L3MBTL3: variants seen among roughly 807,000 people sequenced by gnomAD.
L3MBTL3 encodes lethal(3)malignant brain tumor-like protein 3.
A neutral mutation model predicts 102.3 loss-of-function variants in L3MBTL3; 27 were observed. The ratio of observed to expected loss-of-function variants is 0.26; its 90% CI spans 0.19 to 0.36. The LOEUF (loss-of-function observed/expected upper bound fraction) is 0.36. Ranked by LOEUF, L3MBTL3 falls within the 10% of genes least tolerant of loss-of-function variation. The probability of loss-of-function intolerance (pLI) is 1.00; values close to 1 mark genes in which losing one functional copy is unlikely to be tolerated. For missense variants in L3MBTL3, 798 were observed against 955.3 expected (o/e 0.84, Z 2.17); for synonymous variants, 340 against 320.9 (o/e 1.06, Z -0.64).
At chr6:130,051,999 G>A (rs926037717) in intron 6 of L3MBTL3, among the ~76,000 whole-genome samples, 1 of 152,140 alleles carries the variant, frequency 6.6e-6, no homozygotes, top group African/African-American at 2.4e-5. Context: ...CACCAAGAAG[G>A]TGTTTTTCTT....
chr6:130,092,961 A>T, intron 17 of L3MBTL3, 102 bp downstream of exon 17: 1 of 680,172 alleles, frequency 1.5e-6, no homozygotes, highest in Non-Finnish European at 2.6e-6. Context: ...CTCTCTACTG[A>T]TGTTTCTTCT....
At chr6:130,020,951 T>G (rs1014455623) in intron 1 of L3MBTL3, among the ~76,000 whole-genome samples, 2 of 151,080 alleles carry the variant, frequency 1.3e-5, no homozygotes, top group Non-Finnish European at 2.9e-5. Context: ...AATTGTTAGG[T>G]TAGGGGAAAC....
chr6:130,093,402 T>C (rs1047759132), intron 17 of L3MBTL3, among the ~76,000 whole-genome samples: 1 of 152,152 alleles, frequency 6.6e-6, no homozygotes, highest in Admixed American at 6.6e-5. Context: ...ACAAAACAAA[T>C]GTAGGAAATA....
intron 14 of L3MBTL3, among the ~76,000 whole-genome samples, chr6:130,082,855 G>C (rs1163072094): frequency 6.6e-6 from 1 of 152,160 alleles, no homozygotes; most frequent in East Asian, 1.9e-4. Flanking sequence ...TGAAAACTGT[G>C]AATTTATGCC....
In L3MBTL3 at chr6:130,063,836, T is replaced by A. The variant is rs548820199; in HGVS notation, c.865-2517T>A. Among the ~76,000 whole-genome samples, 14 of 152,270 alleles carry A rather than the reference T, an allele frequency of 9.2e-5. 1 individual carries two copies. Among genetic ancestry groups the A allele is most frequent in the Admixed American group, 9.2e-4 (14 of 15,296 alleles). ...GAAAAGCACAAAAATGTAGAATATG[T>A]GGCACTAAATGGACCACACAAAAGA... On this transcript the variant is annotated intron_variant, in intron 10 of 22. Transcript: ENST00000361794.
At chr6:130,043,994 A>G (rs1042987743) in intron 3 of L3MBTL3, among the ~76,000 whole-genome samples, 2 of 152,238 alleles carry the variant, frequency 1.3e-5, no homozygotes, top group African/African-American at 4.8e-5. Context: ...CTTTCGGTCA[A>G]GTTTCCTCTG....
chr6:130,060,060 A>G lies in L3MBTL3; in HGVS notation c.784A>G (p.Asn262Asp). The G allele has an allele frequency of 1.2e-6, 2 of 1,612,928 alleles. No homozygotes were observed. The highest frequency in any genetic ancestry group is 3.3e-5 in the Admixed American group (2 of 60,002). ...KEHQSFPYNK[N>D]GFKVGMKLEG... ...GCATCAATCCTTTCCATATAACAAA[A>G]ATGGATTCAAAGTTGGCATGAAATT... is the stretch of plus-strand genomic sequence containing the variant. Residue 262 changes from asparagine (N) to aspartate (D), a missense_variant, in exon 10 of 23, where the codon AAT becomes GAT. Coordinates refer to ENST00000361794, the MANE Select transcript of L3MBTL3 (RefSeq NM_032438.4).
chr6:130,035,792 G>A (rs961464821), intron 2 of L3MBTL3, among the ~76,000 whole-genome samples: 1 of 152,174 alleles, frequency 6.6e-6, no homozygotes, highest in African/African-American at 2.4e-5. Flanking sequence ...ACCAATAGAA[G>A]TTAGAGGAGA....
At chr6:130,116,301 T>C (rs1398527468) in intron 19 of L3MBTL3, among the ~76,000 whole-genome samples, 1 of 152,214 alleles carries the variant, frequency 6.6e-6, no homozygotes, top group African/African-American at 2.4e-5. Flanking sequence ...GTAAAGGATT[T>C]ATTATCCTTG....
chr6:130,040,790 G>A (rs1464118878), intron 2 of L3MBTL3, among the ~76,000 whole-genome samples: 3 of 152,128 alleles, frequency 2.0e-5, no homozygotes, highest in Admixed American at 6.5e-5. Flanking sequence ...ATGGTACTTT[G>A]GCATGTCAAA....
chr6:130,108,320 C>A (rs551404898), intron 19 of L3MBTL3, among the ~76,000 whole-genome samples: 1 of 149,294 alleles, frequency 6.7e-6, no homozygotes, highest in East Asian at 2.0e-4. Context: ...CTGCAACCTC[C>A]GCCTCCCAGG....
rs1252886195 is a variant in L3MBTL3 at position 130,095,640 on chromosome 6, A to G, written c.1736+1273A>G. Among the ~76,000 whole-genome samples the G allele has an allele frequency of 2.0e-5, 3 of 152,346 alleles. No individual in the cohort carries two copies. The East Asian group carries it at 5.8e-4, about 29-fold the overall frequency. Reference sequence around the variant, plus strand: ...GTTTTACTTGTTTTGTGTTGCTATAATAGAATACCACAGACTGGGTAATTT... The same window carrying G: ...GTTTTACTTGTTTTGTGTTGCTATAGTAGAATACCACAGACTGGGTAATTT... On this transcript the variant is annotated intron_variant, in intron 18 of 22. Coordinates refer to ENST00000361794, the MANE Select transcript of L3MBTL3 (RefSeq NM_032438.4).
chr6:130,063,426 G>A (rs1396692638), intron 10 of L3MBTL3, among the ~76,000 whole-genome samples: 1 of 152,168 alleles, frequency 6.6e-6, no homozygotes, highest in African/African-American at 2.4e-5. Context: ...GCAAAGCCCA[G>A]CATTCAGGTG....
At chr6:130,079,723 A>G (rs2115079608) in intron 14 of L3MBTL3, among the ~76,000 whole-genome samples, 1 of 152,232 alleles carries the variant, frequency 6.6e-6, no homozygotes, top group East Asian at 1.9e-4. Flanking sequence ...TTCAAATTCT[A>G]TTGGAACAGC....
At chr6:130,063,981 C>T (rs1047771714) in intron 10 of L3MBTL3, among the ~76,000 whole-genome samples, 2 of 152,182 alleles carry the variant, frequency 1.3e-5, no homozygotes, top group African/African-American at 4.8e-5. Context: ...TGTCCACGAA[C>T]ACTGCGAGTA....
In L3MBTL3 at chr6:130,102,660, C is replaced by T. The variant is rs9492455; in HGVS notation, c.1737-1766C>T. On this transcript the variant is annotated intron_variant, in intron 18 of 22. Coordinates refer to ENST00000361794, the MANE Select transcript of L3MBTL3 (RefSeq NM_032438.4). ...AGCCAACCCTGGTCTCTCTTTCCCT[C>T]AAACAAACCAAGCTTTTCCTGTTGG... 3.3e-3 allele frequency among the ~76,000 whole-genome samples: 495 copies of T among 152,272 alleles called. 3 individuals carry two copies. The highest frequency in any genetic ancestry group is 0.011 in the African/African-American group (468 of 41,560).
chr6:130,033,099 G>A (rs1779830737), intron 2 of L3MBTL3, among the ~76,000 whole-genome samples: 1 of 152,190 alleles, frequency 6.6e-6, no homozygotes, highest in Non-Finnish European at 1.5e-5. Flanking sequence ...AAGTAGTTGA[G>A]GGAAGGGTAA....
At chr6:130,079,514 C>G (rs1241699412) in intron 14 of L3MBTL3, among the ~76,000 whole-genome samples, 1 of 152,142 alleles carries the variant, frequency 6.6e-6, no homozygotes. Flanking sequence ...CATCACTACT[C>G]AAGGGGCCAT....
rs528461487 is a variant in L3MBTL3 at position 130,111,357 on chromosome 6, G to A, written c.1886+6782G>A. 7.2e-5 allele frequency among the ~76,000 whole-genome samples: 11 copies of A among 152,308 alleles called. No individual in the cohort carries two copies. In the East Asian group the frequency reaches 2.1e-3, roughly 29 times the overall value. On this transcript the variant is annotated intron_variant, in intron 19 of 22. Coordinates refer to ENST00000361794, the MANE Select transcript of L3MBTL3 (RefSeq NM_032438.4). ...AACACCAATTTCCTTGAACCAGAGT[G>A]AGGCTGTACATGTTAATTCCCCAGC...
Sources: gnomAD v4.1 joint callset for allele counts (sites outside exome capture counted in the v4.1 genomes callset) on GRCh38, gnomAD v4.1.1 for gene constraint, MANE v1.5 for transcripts, NCBI Gene and HGNC (gene_info 2026-07-23, HGNC 2026-07-21) for gene names.